The following PIWIL2 variants were observed in gnomAD, a reference collection of about 807,000 sequenced individuals.
PIWIL2 encodes the protein piwi like RNA-mediated gene silencing 2, also known as piwi-like protein 2.
PIWIL2 carries 81 observed loss-of-function variants against 116.5 expected under a neutral mutation model. The observed-to-expected ratio is 0.70, with a 90% confidence interval of 0.58 to 0.84. The LOEUF (loss-of-function observed/expected upper bound fraction) is 0.84, where lower values mean the gene tolerates loss of function less well. PIWIL2 is among the 40% of genes least tolerant of loss of function. The probability of loss-of-function intolerance (pLI) is 0.00; values close to 1 mark genes in which losing one functional copy is unlikely to be tolerated. For missense variants in PIWIL2, 1,272 were observed against 1,212.3 expected (o/e 1.05, Z -0.73); for synonymous variants, 489 against 429.5 (o/e 1.14, Z -1.71).
intron 8 of PIWIL2, among the ~76,000 whole-genome samples, chr8:22,289,424 TA>T (rs1218060280): frequency 6.6e-6 from 1 of 152,206 alleles, no homozygotes; most frequent in East Asian, 1.9e-4. Context: ...GTGCTGGGAT[TA>T]GAGGCGTAAG....
In PIWIL2 at chr8:22,304,112, C is replaced by T. The variant is rs368245312; in HGVS notation, c.1273C>T (p.Arg425Cys). The T allele has an allele frequency of 8.1e-6, 13 of 1,609,064 alleles. No individual in the cohort carries two copies. In the African/African-American group the frequency reaches 9.4e-5, roughly 12 times the overall value. ...TATTGTTATCACCCGATATAACAAT[C>T]GTACCTATCGTATTGATGATGTGGA... ...GNIVITRYNNRTYRIDDVDWN... is the reference protein window; with the variant it reads ...GNIVITRYNNCTYRIDDVDWN... The change falls in exon 11 of 23, where the codon CGT becomes TGT. Residue 425 changes from arginine (R) to cysteine (C), a missense_variant. Physicochemically the swap from Arg to Cys is radical, Grantham distance 180 (BLOSUM62 -3). Coordinates refer to ENST00000356766, the MANE Select transcript of PIWIL2 (RefSeq NM_018068.5).
chr8:22,297,298 T>C (rs981373291), intron 10 of PIWIL2, among the ~76,000 whole-genome samples: 7 of 152,190 alleles, frequency 4.6e-5, no homozygotes, highest in African/African-American at 1.7e-4. Flanking sequence ...TTTTTATTTT[T>C]GTAGAGATGC....
chr8:22,351,115 C>A (rs967858555), intron 20 of PIWIL2, among the ~76,000 whole-genome samples: 12 of 151,462 alleles, frequency 7.9e-5, no homozygotes, highest in Non-Finnish European at 1.8e-4. Context: ...TGCATCACTG[C>A]ACTTCAGCCT....
In PIWIL2 at chr8:22,316,300, G is replaced by A. The variant is rs199956088; in HGVS notation, c.2264G>A (p.Arg755His). 25 of 1,612,566 alleles carry A rather than the reference G, an allele frequency of 1.6e-5. No homozygotes were observed. The highest frequency in any genetic ancestry group is 5.0e-5 in the Admixed American group (3 of 59,990). Residue 755 changes from arginine (R) to histidine (H), a missense_variant, in exon 19 of 23, where the codon CGC becomes CAC. By Grantham distance (29) the Arg-to-His change is conservative. Coordinates refer to ENST00000356766, the MANE Select transcript of PIWIL2 (RefSeq NM_018068.5). The part of the protein sequence containing the change: ...DVYHDPSRGM[R>H]SVVGFVASIN... ...TACCATGACCCCAGTAGAGGCATGC[G>A]CTCCGTGGTTGGCTTCGTGGCAAGC... is the stretch of plus-strand genomic sequence containing the variant.
chr8:22,325,524 C>T (rs763698267), intron 20 of PIWIL2, among the ~76,000 whole-genome samples: 49 of 134,324 alleles, frequency 3.6e-4, no homozygotes, highest in Admixed American at 6.0e-4. Flanking sequence ...CATTCTGTCA[C>T]CCAGGCTGGA....
rs201571231 is a variant in PIWIL2 at position 22,279,407 on chromosome 8, G to A, written c.21G>A (p.Ser7=). 1.4e-4 allele frequency: 234 copies of A among 1,614,096 alleles called. No individual in the cohort carries two copies. Among genetic ancestry groups the A allele is most frequent in the Non-Finnish European group, 1.8e-4 (217 of 1,180,012 alleles). The change falls in exon 2 of 23, where the codon TCG becomes TCA. Residue 7 remains serine (S), a synonymous_variant. Transcript: ENST00000356766. ...CGTCCATGGATCCTTTCCGACCATC[G>A]TTCAGGGGCCAGTCTCCTATCCACC... is the stretch of plus-strand genomic sequence containing the variant. MDPFRP[S]FRGQSPIHPS...
In PIWIL2 at chr8:22,284,098, T is replaced by C. The variant is rs75651349; in HGVS notation, c.633-64T>C. 2,652 of 766,400 alleles carry C rather than the reference T, an allele frequency of 3.5e-3. 57 individuals carry two copies. In the African/African-American group the frequency reaches 0.043, roughly 12 times the overall value. The allele number at this position is 766,400 out of a possible 1,614,324, so 47.5% of individuals were successfully genotyped here. ...ATCTTCTTGTTGTTGGTTGTGTGGG[T>C]TGGTTAGTTATTTTGTTTTTTTGTT... is the stretch of plus-strand genomic sequence containing the variant. On this transcript the variant is annotated intron_variant, in intron 5 of 22. Coordinates refer to ENST00000356766, the MANE Select transcript of PIWIL2 (RefSeq NM_018068.5).
At chr8:22,331,696 C>T (rs1348953441) in intron 20 of PIWIL2, among the ~76,000 whole-genome samples, 2 of 152,038 alleles carry the variant, frequency 1.3e-5, no homozygotes, top group African/African-American at 4.8e-5. Flanking sequence ...AAATTTATTT[C>T]CTCACAGTTT....
At chr8:22,333,170 T>G (rs1032695820) in intron 20 of PIWIL2, among the ~76,000 whole-genome samples, 2 of 151,950 alleles carry the variant, frequency 1.3e-5, no homozygotes, top group African/African-American at 4.8e-5. Flanking sequence ...AATAAAAGAG[T>G]GTATAACTAT....
chr8:22,306,935 A>G (rs746053587), intron 13 of PIWIL2, among the ~76,000 whole-genome samples: 1 of 152,326 alleles, frequency 6.6e-6, no homozygotes, highest in Admixed American at 6.5e-5. Context: ...AGAATAAAGA[A>G]AGAACTCACT....
intron 11 of PIWIL2, among the ~76,000 whole-genome samples, 159 bp downstream of exon 11, chr8:22,304,368 T>A (rs1046111253): frequency 6.6e-6 from 1 of 152,226 alleles, no homozygotes; most frequent in African/African-American, 2.4e-5. Context: ...TTTGTGGGAT[T>A]TGACTTGAGT....
rs571543290 is a variant in PIWIL2, at chr8:22,343,592, C to T, written c.2404-9367C>T. The stretch of plus-strand genomic sequence containing the variant: ...CAGCCTGGGTGACAGAGCGAGACTC[C>T]GTCTCAAAAATAGGTAGATAGATAG... On this transcript the variant is annotated intron_variant, in intron 20 of 22. Coordinates refer to ENST00000356766, the MANE Select transcript of PIWIL2 (RefSeq NM_018068.5). 5.3e-5 allele frequency among the ~76,000 whole-genome samples: 8 copies of T among 152,258 alleles called. No individual in the cohort carries two copies. In the East Asian group the frequency reaches 5.8e-4, roughly 11 times the overall value.
chr8:22,339,005 T>C (rs1451855182), intron 20 of PIWIL2, among the ~76,000 whole-genome samples: 1 of 152,108 alleles, frequency 6.6e-6, no homozygotes, highest in African/African-American at 2.4e-5. Flanking sequence ...GAAGTAAAAA[T>C]GAGAGTCCAA....
At chr8:22,309,884 C>T (rs779953490) in intron 14 of PIWIL2, 77 bp from the exon 15 acceptor site, 34 of 816,794 alleles carry the variant, frequency 4.2e-5, no homozygotes, top group Non-Finnish European at 6.3e-5. Context: ...CTGAGCAGGC[C>T]TTATAGAGCA....
chr8:22,327,024 C>CT (rs71544876), intron 20 of PIWIL2, among the ~76,000 whole-genome samples: 58,268 of 105,138 alleles, frequency 0.55, 17,735 homozygotes, highest in East Asian at 0.8. Flanking sequence ...TGTTTTTTTA[C>CT]TTTTTTTTTT....
At chr8:22,314,114 A>G (rs967317654) in intron 16 of PIWIL2, among the ~76,000 whole-genome samples, 5 of 152,174 alleles carry the variant, frequency 3.3e-5, no homozygotes, top group South Asian at 2.1e-4. Context: ...ATAGTAACAT[A>G]TTACCTATCT....
intron 10 of PIWIL2, among the ~76,000 whole-genome samples, chr8:22,293,430 T>C (rs942185015): frequency 6.6e-6 from 1 of 152,186 alleles, no homozygotes; most frequent in Non-Finnish European, 1.5e-5. Flanking sequence ...ACCTCCACCT[T>C]CCGGGTTCAA....
In PIWIL2 at chr8:22,315,015, TC is replaced by T; in HGVS notation, c.2092-11del. The T allele has an allele frequency of 6.6e-7, 1 of 1,516,160 alleles. No homozygotes were observed. Among genetic ancestry groups the T allele is most frequent in the Non-Finnish European group, 9.2e-7 (1 of 1,091,010 alleles). 93.9% of individuals were successfully genotyped at this position (1,516,160 alleles called of 1,614,324 possible). On this transcript the variant is annotated splice_polypyrimidine_tract_variant and intron_variant, in intron 17 of 22. Coordinates refer to ENST00000356766, the MANE Select transcript of PIWIL2 (RefSeq NM_018068.5). ...ACCTGCTTCTCCTGACACCTTTTGG[TC>T]CCTTCATTATAGGTTGTCAATGTTC...
At chr8:22,352,224 C>T (rs1057220262) in intron 20 of PIWIL2, among the ~76,000 whole-genome samples, 1 of 152,260 alleles carries the variant, frequency 6.6e-6, no homozygotes, top group South Asian at 2.1e-4. Context: ...GGATGACAGG[C>T]GTGAGCCACC....
Sources: allele counts gnomAD v4.1 joint callset (sites outside exome capture counted in the v4.1 genomes callset), GRCh38; gene constraint gnomAD v4.1.1; transcripts MANE v1.5; gene names NCBI Gene and HGNC (gene_info 2026-07-23, HGNC 2026-07-21).